MAP2K4: variants seen among roughly 807,000 people sequenced by gnomAD.
MAP2K4 encodes mitogen-activated protein kinase kinase 4.
MAP2K4 carries 4 observed loss-of-function variants against 48.5 expected under a neutral mutation model. The observed-to-expected ratio is 0.08, with a 90% CI of 0.04 to 0.19. The LOEUF is 0.19. Among genes scored for constraint, MAP2K4 ranks in the 10% least tolerant of loss-of-function variants. The pLI is 1.00. For missense variants in MAP2K4, 258 were observed against 493.3 expected (o/e 0.52, Z 4.52); for synonymous variants, 166 against 173.1 (o/e 0.96, Z 0.32).
intron 2 of MAP2K4, among the ~76,000 whole-genome samples, chr17:12,075,258 G>C (rs1043438019): frequency 2.6e-5 from 4 of 152,102 alleles, no homozygotes; most frequent in African/African-American, 9.7e-5. Flanking sequence ...ATAGAAAGGG[G>C]GCAGATGAGG....
chr17:12,143,186 CAA>C lies in MAP2K4; in HGVS notation c.*1927_*1928del, dbSNP rs1001146096. 4.7e-5 allele frequency: 11 copies of C among 232,974 alleles called. No individual in the cohort carries two copies. The highest frequency in any genetic ancestry group is 2.4e-4 in the African/African-American group (11 of 45,300). The allele number at this position is 232,974 out of a possible 1,614,324, so 14.4% of individuals were successfully genotyped here. A position where few individuals can be genotyped will look rare whatever the true frequency, so the allele number is the denominator to read the frequency against. On this transcript the variant is annotated 3_prime_UTR_variant, in exon 11 of 11. Transcript: ENST00000353533. Reference sequence around the variant, plus strand: ...TCATCCTCCATTGCTCCCGGGGACTCAAGAGGAATCTGTTTCTCTGCTGTCAA... The same window carrying C: ...TCATCCTCCATTGCTCCCGGGGACTCGAGGAATCTGTTTCTCTGCTGTCAA...
At chr17:12,049,243 C>T (rs1970059201) in intron 1 of MAP2K4, among the ~76,000 whole-genome samples, 1 of 152,216 alleles carries the variant, frequency 6.6e-6, no homozygotes, top group African/African-American at 2.4e-5. Flanking sequence ...GCTCCCCTCT[C>T]TGCGATGTGA....
intron 4 of MAP2K4, among the ~76,000 whole-genome samples, chr17:12,096,743 TATGCAATCTTATAATTGGAAACA>T: frequency 6.6e-6 from 1 of 152,286 alleles, no homozygotes; most frequent in South Asian, 2.1e-4. Context: ...AGTAGAAGTA[TATGCAATCTTATAATTGGAAACA>T]ATGTTAGAGG....
chr17:12,076,279 C>CTGTGTG (rs372806903), intron 2 of MAP2K4, among the ~76,000 whole-genome samples: 13,269 of 135,042 alleles, frequency 0.098, 734 homozygotes, highest in Non-Finnish European at 0.11. Context: ...TGTCACAGTT[C>CTGTGTG]TGTGTGTGTG....
Position 12,142,014 on chromosome 17 carries a change from A to G in MAP2K4, c.*754A>G, listed in dbSNP as rs1973391609. 8.6e-6 allele frequency: 2 copies of G among 233,406 alleles called. No homozygotes were observed. The highest frequency in any genetic ancestry group is 1.2e-4 in the East Asian group (2 of 16,570). 14.5% of individuals were successfully genotyped at this position (233,406 alleles called of 1,614,324 possible). A position where few individuals can be genotyped will look rare whatever the true frequency, so the allele number is the denominator to read the frequency against. ...AAGACTCAGGAGTCTGCCACTTGTCAAAGAAGGTGCTGATCCTAAGAATTT... is the reference window on the plus strand; with the variant it reads ...AAGACTCAGGAGTCTGCCACTTGTCGAAGAAGGTGCTGATCCTAAGAATTT... On this transcript the variant is annotated 3_prime_UTR_variant, in exon 11 of 11. Transcript: ENST00000353533.
intron 5 of MAP2K4, among the ~76,000 whole-genome samples, chr17:12,110,170 A>G (rs1483595126): frequency 1.3e-5 from 2 of 152,204 alleles, no homozygotes; most frequent in African/African-American, 2.4e-5. Context: ...TGTTTGAGCT[A>G]TCAGGGAACA....
rs377631607 is a variant in MAP2K4 at position 12,143,397 on chromosome 17, A to G, written c.*2137A>G. On this transcript the variant is annotated 3_prime_UTR_variant, in exon 11 of 11. Coordinates refer to ENST00000353533, the MANE Select transcript of MAP2K4 (RefSeq NM_003010.4). ...ACTTAAGGGCAAGGAGTTTATTACA[A>G]TGTATCTTTATTAAAACAAAAGGGT... The G allele has an allele frequency of 3.4e-5, 8 of 232,606 alleles. No individual in the cohort carries two copies. Among genetic ancestry groups the G allele is most frequent in the Non-Finnish European group, 5.1e-5 (6 of 117,488 alleles). 14.4% of individuals were successfully genotyped at this position (232,606 alleles called of 1,614,324 possible).
chr17:12,045,891 T>C (rs1424056395), intron 1 of MAP2K4, among the ~76,000 whole-genome samples: 3 of 152,234 alleles, frequency 2.0e-5, no homozygotes, highest in Non-Finnish European at 2.9e-5. Context: ...AAATGCCCTT[T>C]GGATTTGCCA....
intron 3 of MAP2K4, among the ~76,000 whole-genome samples, chr17:12,083,282 A>G (rs1164675406): frequency 6.6e-6 from 1 of 152,246 alleles, no homozygotes; most frequent in Non-Finnish European, 1.5e-5. Flanking sequence ...TTTGGGTTGT[A>G]TAATGCTTAC....
chr17:12,029,215 C>T lies in MAP2K4; in HGVS notation c.115+8214C>T, dbSNP rs181213261. On this transcript the variant is annotated intron_variant, in intron 1 of 10. Coordinates refer to ENST00000353533, the MANE Select transcript of MAP2K4 (RefSeq NM_003010.4). ...AATGTGGGAACGAGGGTAGGAGATA[C>T]GTAGAGAGAAAAAGGAGGAGGAAAA... Among the ~76,000 whole-genome samples, 481 of 151,742 alleles carry T rather than the reference C, an allele frequency of 3.2e-3. 1 individual carries two copies. The highest frequency in any genetic ancestry group is 6.8e-3 in the Middle Eastern group (2 of 292).
At chr17:12,127,032 AT>A (rs1321492275) in intron 8 of MAP2K4, among the ~76,000 whole-genome samples, 2 of 152,068 alleles carry the variant, frequency 1.3e-5, no homozygotes, top group Non-Finnish European at 2.9e-5. Context: ...AATAATCTTC[AT>A]TTGTTCATTG....
At chr17:12,112,454 G>T (rs1377053550) in intron 6 of MAP2K4, among the ~76,000 whole-genome samples, 11 of 123,890 alleles carry the variant, frequency 8.9e-5, no homozygotes, top group Non-Finnish European at 1.5e-4. Context: ...AAAAGAGCGA[G>T]ACTCTTGTCT....
At chr17:12,118,711 C>T (rs1972580134) in intron 7 of MAP2K4, among the ~76,000 whole-genome samples, 1 of 152,200 alleles carries the variant, frequency 6.6e-6, no homozygotes, top group Non-Finnish European at 1.5e-5. Flanking sequence ...CTGTCTTGAA[C>T]ATCATGCTAG....
chr17:12,116,979 C>T (rs984136628), intron 7 of MAP2K4, among the ~76,000 whole-genome samples: 10 of 152,118 alleles, frequency 6.6e-5, no homozygotes, highest in African/African-American at 2.2e-4. Flanking sequence ...GCTATGGTGT[C>T]ATTAGGAGAT....
Position 12,082,996 on chromosome 17 carries a change from G to A in MAP2K4, c.393+1466G>A, listed in dbSNP as rs1265079149. Among the ~76,000 whole-genome samples, 24 of 152,184 alleles carry A rather than the reference G, an allele frequency of 1.6e-4. 1 individual carries two copies. Among genetic ancestry groups the A allele is most frequent in the Admixed American group, 1.6e-3 (24 of 15,278 alleles). Reference sequence around the variant, plus strand: ...TTGTCCCTTTGTGCTACCTGTGTGTGACATCCAGTTTTAGTTGGCTGGATC... The same window carrying A: ...TTGTCCCTTTGTGCTACCTGTGTGTAACATCCAGTTTTAGTTGGCTGGATC... On this transcript the variant is annotated intron_variant, in intron 3 of 10. Transcript: ENST00000353533.
chr17:12,033,964 A>AT (rs1369726694), intron 1 of MAP2K4, among the ~76,000 whole-genome samples: 1 of 151,944 alleles, frequency 6.6e-6, no homozygotes, highest in African/African-American at 2.4e-5. Context: ...TCATTTTAAA[A>AT]TTTTTTTGTA....
chr17:12,076,986 A>G (rs1240003991), intron 2 of MAP2K4, among the ~76,000 whole-genome samples: 1 of 152,164 alleles, frequency 6.6e-6, no homozygotes, highest in Non-Finnish European at 1.5e-5. Context: ...AAACCTTGGA[A>G]TGACACATGA....
At chr17:12,086,841 GTT>G (rs1971381317) in intron 3 of MAP2K4, among the ~76,000 whole-genome samples, 1 of 151,572 alleles carries the variant, frequency 6.6e-6, no homozygotes, top group Non-Finnish European at 1.5e-5. Context: ...GTTTTGTTTT[GTT>G]TTGTTTTGTT....
At position 12,107,629 on chromosome 17, in the gene MAP2K4, T is replaced by C. The variant is rs187625582; in HGVS notation, c.514-161T>C. Among the ~76,000 whole-genome samples, 360 of 152,200 alleles carry C rather than the reference T, an allele frequency of 2.4e-3. 4 individuals are homozygous for C. The highest frequency in any genetic ancestry group is 4.6e-3 in the Admixed American group (70 of 15,262). ...TGTTTATGTTTAAACCTGAGTAGAA[T>C]ATTCTGTTGAAGGCTTTAACAAGAA... On this transcript the variant is annotated intron_variant, in intron 4 of 10. Transcript: ENST00000353533.
Sources: allele counts gnomAD v4.1 joint callset (sites outside exome capture counted in the v4.1 genomes callset), GRCh38; gene constraint gnomAD v4.1.1; transcripts MANE v1.5; gene names NCBI Gene and HGNC (gene_info 2026-07-23, HGNC 2026-07-21).